The following DNM3 variants were observed in gnomAD, a reference collection of about 807,000 sequenced individuals.
DNM3 encodes the protein dynamin 3.
DNM3 carries 47 observed loss-of-function variants against 101.6 expected under a neutral mutation model. The observed-to-expected ratio is 0.46, with a 90% CI of 0.37 to 0.59. The LOEUF is 0.59. DNM3 is among the 20% of genes least tolerant of loss of function. The pLI, the probability that DNM3 is intolerant of heterozygous loss-of-function variation, is 0.00. For missense variants in DNM3, 849 were observed against 1,085.7 expected (o/e 0.78, Z 3.06); for synonymous variants, 385 against 387.9 (o/e 0.99, Z 0.09).
chr1:172,236,056 A>G (rs767375975), intron 14 of DNM3, among the ~76,000 whole-genome samples: 3 of 152,198 alleles, frequency 2.0e-5, no homozygotes, highest in Non-Finnish European at 2.9e-5. Context: ...CCAAATCCAA[A>G]TTTAGCTCTT....
At chr1:172,126,921 A>G (rs575207622) in intron 13 of DNM3, among the ~76,000 whole-genome samples, 59 of 152,246 alleles carry the variant, frequency 3.9e-4, no homozygotes, top group South Asian at 3.5e-3. Flanking sequence ...ACCCTGGATC[A>G]ATTCCCATTT....
At chr1:171,851,259 C>T (rs1257399164) in intron 1 of DNM3, among the ~76,000 whole-genome samples, 2 of 152,176 alleles carry the variant, frequency 1.3e-5, no homozygotes, top group Admixed American at 6.5e-5. Context: ...AGCTGTGTCT[C>T]CTTTATCATT....
At chr1:172,281,329 T>A (rs1049717873) in intron 15 of DNM3, among the ~76,000 whole-genome samples, 1 of 152,132 alleles carries the variant, frequency 6.6e-6, no homozygotes, top group African/African-American at 2.4e-5. Flanking sequence ...CCAGATGAAC[T>A]CTACACTTGA....
intron 2 of DNM3, among the ~76,000 whole-genome samples, chr1:171,924,771 G>T (rs114824578): frequency 1.2e-3 from 177 of 152,258 alleles, no homozygotes; most frequent in African/African-American, 4.2e-3. Context: ...GGTATGAGAT[G>T]ATATCTTATT....
chr1:172,290,981 G>A (rs1315175223), intron 15 of DNM3, among the ~76,000 whole-genome samples: 3 of 152,116 alleles, frequency 2.0e-5, no homozygotes, highest in Non-Finnish European at 2.9e-5. Flanking sequence ...AGGACAGAGG[G>A]GGAGTGGTCA....
rs1018420903 is a variant in DNM3 at position 172,024,694 on chromosome 1, A to G, written c.590-7708A>G. Among the ~76,000 whole-genome samples the G allele has an allele frequency of 2.0e-5, 3 of 151,940 alleles. No individual in the cohort carries two copies. The South Asian group carries it at 6.2e-4, about 32-fold the overall frequency. Reference sequence around the variant, plus strand: ...GGGTGTTGCCTCACCTGGGAAGCGCATGGGGTTGGGAAACTCCCTGCCCTA... The same window carrying G: ...GGGTGTTGCCTCACCTGGGAAGCGCGTGGGGTTGGGAAACTCCCTGCCCTA... On this transcript the variant is annotated intron_variant, in intron 4 of 20. Coordinates refer to ENST00000627582, the MANE Select transcript of DNM3 (RefSeq NM_015569.5).
At chr1:172,044,474 T>C in intron 9 of DNM3, 22 bp downstream of exon 9, 1 of 1,589,824 alleles carries the variant, frequency 6.3e-7, no homozygotes, top group Non-Finnish European at 8.6e-7. Flanking sequence ...ACATTTTTCT[T>C]GTCATCTGTT....
At chr1:171,868,919 G>T (rs915803624) in intron 1 of DNM3, among the ~76,000 whole-genome samples, 1 of 152,144 alleles carries the variant, frequency 6.6e-6, no homozygotes, top group African/African-American at 2.4e-5. Flanking sequence ...AAGTAGCTGG[G>T]ATTACAGGCA....
chr1:171,845,327 T>C (rs2031899538), intron 1 of DNM3, among the ~76,000 whole-genome samples: 1 of 152,174 alleles, frequency 6.6e-6, no homozygotes, highest in Admixed American at 6.5e-5. Context: ...GGCGGGAGGA[T>C]TGCTTGAGCC....
At chr1:172,168,159 C>A in intron 14 of DNM3, among the ~76,000 whole-genome samples, 1 of 151,982 alleles carries the variant, frequency 6.6e-6, no homozygotes, top group Admixed American at 6.6e-5. Flanking sequence ...TATCATAATT[C>A]ACTGTGCAAT....
At chr1:172,075,323 C>T (rs1286159258) in intron 11 of DNM3, among the ~76,000 whole-genome samples, 1 of 152,064 alleles carries the variant, frequency 6.6e-6, no homozygotes, top group East Asian at 1.9e-4. Flanking sequence ...TTAATTAGAT[C>T]CCATTTGTCA....
At chr1:172,144,684 C>A in intron 14 of DNM3, 1 of 510,724 alleles carries the variant, frequency 2.0e-6, no homozygotes, top group South Asian at 1.5e-5. Context: ...TCAGGAAAAG[C>A]CTCCCTTCCT....
At chr1:171,901,534 G>A (rs919632019) in intron 1 of DNM3, among the ~76,000 whole-genome samples, 4 of 152,116 alleles carry the variant, frequency 2.6e-5, no homozygotes, top group African/African-American at 4.8e-5. Flanking sequence ...ACTGATGCCC[G>A]GGAGAAGTGG....
intron 14 of DNM3, among the ~76,000 whole-genome samples, chr1:172,239,788 CT>C (rs1430459787): frequency 2.3e-5 from 1 of 42,734 alleles, no homozygotes; most frequent in African/African-American, 6.8e-5. Flanking sequence ...CCAGCCCTGT[CT>C]TTTTTTTTCT....
intron 17 of DNM3, among the ~76,000 whole-genome samples, chr1:172,372,590 A>T (rs945542353): frequency 6.8e-6 from 1 of 147,342 alleles, no homozygotes; most frequent in Admixed American, 6.7e-5. Flanking sequence ...ATATTGCTAG[A>T]AATTATATTT....
chr1:172,302,576 T>C (rs1184784045), intron 15 of DNM3, among the ~76,000 whole-genome samples: 1 of 152,164 alleles, frequency 6.6e-6, no homozygotes, highest in Non-Finnish European at 1.5e-5. Context: ...CTCAAGTGGG[T>C]CCATGACCCC....
At chr1:172,109,904 A>G (rs1444164072) in intron 13 of DNM3, among the ~76,000 whole-genome samples, 2 of 152,158 alleles carry the variant, frequency 1.3e-5, no homozygotes, top group Non-Finnish European at 2.9e-5. Context: ...ATCCACAAAT[A>G]ATTAAAAGAC....
chr1:172,048,538 A>T, intron 9 of DNM3, 74 bp from the exon 10 acceptor site: 1 of 1,485,750 alleles, frequency 6.7e-7, no homozygotes, highest in Non-Finnish European at 9.0e-7. Flanking sequence ...TGTTAATTTA[A>T]ACATTTTTCA....
At position 172,315,573 on chromosome 1, in the gene DNM3, G is replaced by A. The variant is rs577930466; in HGVS notation, c.1881+6734G>A. On this transcript the variant is annotated intron_variant, in intron 16 of 20. Coordinates refer to ENST00000627582, the MANE Select transcript of DNM3 (RefSeq NM_015569.5). ...CTGATGGAGCTGAAAGCCAACGCTCGAGAACTACGTGAAGAATGCAGAAGC... is the reference window on the plus strand; with the variant it reads ...CTGATGGAGCTGAAAGCCAACGCTCAAGAACTACGTGAAGAATGCAGAAGC... Among the ~76,000 whole-genome samples the A allele has an allele frequency of 5.9e-5, 9 of 152,286 alleles. No homozygotes were observed. In the South Asian group the frequency reaches 6.2e-4, roughly 11 times the overall value.
Sources: gnomAD v4.1 joint callset for allele counts (sites outside exome capture counted in the v4.1 genomes callset) on GRCh38, gnomAD v4.1.1 for gene constraint, MANE v1.5 for transcripts, NCBI Gene and HGNC (gene_info 2026-07-23, HGNC 2026-07-21) for gene names.